The following ADK variants were observed in gnomAD, a reference collection of about 807,000 sequenced individuals.
The protein encoded by ADK is N6,N6-dimethyladenosine kinase.
ADK carries 24 observed loss-of-function variants against 44.7 expected under a neutral mutation model. The observed-to-expected ratio is 0.54, with a 90% CI of 0.39 to 0.76. ADK has a LOEUF of 0.76. Among genes scored for constraint, ADK ranks in the 30% least tolerant of loss-of-function variants. The probability of loss-of-function intolerance (pLI) is 0.00; values close to 1 mark genes in which losing one functional copy is unlikely to be tolerated. For synonymous variants in ADK, 128 were observed against 142.6 expected (o/e 0.90, Z 0.73); for missense variants, 321 against 425.1 (o/e 0.76, Z 2.15).
At chr10:74,590,947 G>T (rs575508375) in intron 8 of ADK, among the ~76,000 whole-genome samples, 1 of 152,080 alleles carries the variant, frequency 6.6e-6, no homozygotes, top group Admixed American at 6.5e-5. Context: ...ACATACATTT[G>T]TATCCTGTCA....
At chr10:74,272,482 C>T (rs1362179023) in intron 3 of ADK, among the ~76,000 whole-genome samples, 1 of 152,090 alleles carries the variant, frequency 6.6e-6, no homozygotes, top group Non-Finnish European at 1.5e-5. Context: ...ACTATGTTGC[C>T]CAGGCTGGTC....
chr10:74,155,209 C>T (rs78150360), intron 1 of ADK, among the ~76,000 whole-genome samples: 2,960 of 152,276 alleles, frequency 0.019, 45 homozygotes, highest in Middle Eastern at 0.027. Context: ...AGGAGCTGGG[C>T]ATGGTGGCTC....
intron 7 of ADK, among the ~76,000 whole-genome samples, chr10:74,533,135 CATT>C (rs1340860006): frequency 6.6e-6 from 1 of 152,022 alleles, no homozygotes; most frequent in African/African-American, 2.4e-5. Flanking sequence ...CACTACAAAA[CATT>C]GTTGAAAAAA....
chr10:74,214,306 T>G (rs1843936293), intron 2 of ADK, among the ~76,000 whole-genome samples: 1 of 152,198 alleles, frequency 6.6e-6, no homozygotes. Context: ...TTTTTTAAAT[T>G]GGAAGAGCCA....
chr10:74,434,723 A>G (rs1845123366), intron 6 of ADK, among the ~76,000 whole-genome samples: 1 of 152,178 alleles, frequency 6.6e-6, no homozygotes, highest in Non-Finnish European at 1.5e-5. Context: ...AAGATAAACA[A>G]CTATGTTTTA....
chr10:74,273,009 G>A (rs1422083064), intron 3 of ADK, among the ~76,000 whole-genome samples: 2 of 152,176 alleles, frequency 1.3e-5, no homozygotes, highest in Admixed American at 1.3e-4. Context: ...TGAATAATAA[G>A]AGATGAGAGG....
rs78292493 is a variant in ADK, at chr10:74,444,104, A to G, written c.555+45525A>G. 6.0e-4 allele frequency among the ~76,000 whole-genome samples: 92 copies of G among 152,256 alleles called. 1 individual carries two copies. The highest frequency in any genetic ancestry group is 7.8e-4 in the Non-Finnish European group (53 of 67,972). Reference sequence around the variant, plus strand: ...TGCAACTGGCCTACCTGTTCAGAGTATTAACTCTATGGTGCTTCATCAGTC... The same window carrying G: ...TGCAACTGGCCTACCTGTTCAGAGTGTTAACTCTATGGTGCTTCATCAGTC... On this transcript the variant is annotated intron_variant, in intron 6 of 10. Coordinates refer to ENST00000539909, the MANE Select transcript of ADK (RefSeq NM_006721.4).
At chr10:74,398,754 T>G (rs1280138802) in intron 6 of ADK, among the ~76,000 whole-genome samples, 175 bp downstream of exon 6, 1 of 152,136 alleles carries the variant, frequency 6.6e-6, no homozygotes. Flanking sequence ...ATTATCTTTC[T>G]ATGGGTAACA....
chr10:74,306,812 C>T (rs1480948503), intron 3 of ADK, among the ~76,000 whole-genome samples: 6 of 152,200 alleles, frequency 3.9e-5, no homozygotes, highest in African/African-American at 1.2e-4. Context: ...CGCTCTGAAA[C>T]AGTCCACCAG....
intron 9 of ADK, 124 bp downstream of exon 9, chr10:74,600,617 AT>A: frequency 3.4e-6 from 1 of 296,934 alleles, no homozygotes; most frequent in Non-Finnish European, 6.2e-6. Flanking sequence ...AAAATGAAAT[AT>A]TTTATTTTAA....
intron 10 of ADK, among the ~76,000 whole-genome samples, chr10:74,690,421 G>A (rs1482565491): frequency 6.6e-6 from 1 of 152,140 alleles, no homozygotes; most frequent in Non-Finnish European, 1.5e-5. Context: ...GCTTGAGCCT[G>A]GAAGGCAGAG....
At chr10:74,593,997 G>T (rs894610204) in intron 8 of ADK, among the ~76,000 whole-genome samples, 5 of 152,044 alleles carry the variant, frequency 3.3e-5, no homozygotes, top group Non-Finnish European at 7.4e-5. Context: ...GGTATTTCTT[G>T]TTCTAGATCC....
intron 6 of ADK, among the ~76,000 whole-genome samples, chr10:74,461,287 C>T (rs1846164667): frequency 6.6e-6 from 1 of 152,052 alleles, no homozygotes; most frequent in Non-Finnish European, 1.5e-5. Context: ...CTGATTTTAT[C>T]TGCACATTGC....
chr10:74,304,039 C>G (rs1027937355), intron 3 of ADK, among the ~76,000 whole-genome samples: 2 of 151,264 alleles, frequency 1.3e-5, no homozygotes, highest in Admixed American at 6.6e-5. Context: ...TATTGTATGT[C>G]TGTATACTTT....
At chr10:74,400,942 T>C (rs1050366481) in intron 6 of ADK, among the ~76,000 whole-genome samples, 1 of 152,218 alleles carries the variant, frequency 6.6e-6, no homozygotes, top group African/African-American at 2.4e-5. Flanking sequence ...AAGTTCACAC[T>C]GGAAACCTTC....
chr10:74,379,268 A>G (rs1238093100), intron 4 of ADK, among the ~76,000 whole-genome samples: 2 of 152,162 alleles, frequency 1.3e-5, no homozygotes, highest in African/African-American at 4.8e-5. Context: ...GGTAACTTGG[A>G]TGGGTGGTAG....
At chr10:74,419,598 C>G (rs1844488371) in intron 6 of ADK, among the ~76,000 whole-genome samples, 1 of 152,114 alleles carries the variant, frequency 6.6e-6, no homozygotes. Context: ...TACTTAGCTT[C>G]CTAGAGGCAG....
intron 8 of ADK, among the ~76,000 whole-genome samples, chr10:74,589,636 C>T (rs901278176): frequency 6.6e-6 from 1 of 152,176 alleles, no homozygotes. Flanking sequence ...AGTTAAAAAG[C>T]TACCTCATTA....
At chr10:74,213,301 T>TG (rs1367126847) in intron 2 of ADK, among the ~76,000 whole-genome samples, 1 of 152,252 alleles carries the variant, frequency 6.6e-6, no homozygotes, top group East Asian at 1.9e-4. Context: ...TTTTTAGAGA[T>TG]GGGTCTCACT....
Sources: gnomAD v4.1 joint callset for allele counts (sites outside exome capture counted in the v4.1 genomes callset) on GRCh38, gnomAD v4.1.1 for gene constraint, MANE v1.5 for transcripts, NCBI Gene and HGNC (gene_info 2026-07-23, HGNC 2026-07-21) for gene names.